Variants in FLRT2 observed in about 807,000 individuals in gnomAD.
The protein encoded by FLRT2 is fibronectin leucine rich transmembrane protein 2.
FLRT2 carries 15 observed loss-of-function variants against 40.0 expected under a neutral mutation model. The ratio of observed to expected loss-of-function variants is 0.38; its 90% CI spans 0.25 to 0.58. The LOEUF (loss-of-function observed/expected upper bound fraction) is 0.58. FLRT2 is among the 20% of genes least tolerant of loss of function. The pLI, the probability that FLRT2 is intolerant of heterozygous loss-of-function variation, is 0.71. For synonymous variants in FLRT2, 380 were observed against 336.8 expected, an observed-to-expected ratio of 1.13 and a Z score of -1.41; for missense variants, 726 against 840.0, an observed-to-expected ratio of 0.86 and a Z score of 1.68.
intron 1 of FLRT2, among the ~76,000 whole-genome samples, chr14:85,535,357 A>C (rs542117271): frequency 0.27 from 23,817 of 88,490 alleles, 2,168 homozygotes; most frequent in Middle Eastern, 0.38. Flanking sequence ...CCCCCCCCAA[A>C]AAAAAAAAAC....
intron 1 of FLRT2, among the ~76,000 whole-genome samples, chr14:85,565,977 A>AT (rs75871469): frequency 0.023 from 3,427 of 152,178 alleles, 101 homozygotes; most frequent in East Asian, 0.099. Context: ...AAATACACCG[A>AT]TTTTTTTGTC....
At chr14:85,570,828 G>A (rs781145196) in intron 1 of FLRT2, among the ~76,000 whole-genome samples, 8 of 151,360 alleles carry the variant, frequency 5.3e-5, no homozygotes, top group Admixed American at 1.3e-4. Flanking sequence ...CTCATGATCC[G>A]CCCGCCTCGG....
intron 1 of FLRT2, among the ~76,000 whole-genome samples, chr14:85,545,799 T>C (rs943351211): frequency 1.3e-5 from 2 of 152,228 alleles, no homozygotes; most frequent in Non-Finnish European, 2.9e-5. Context: ...TCTCCATTTT[T>C]TCCCCTTACC....
chr14:85,617,097 T>G (rs578220133), intron 1 of FLRT2, among the ~76,000 whole-genome samples: 73 of 152,208 alleles, frequency 4.8e-4, no homozygotes, highest in African/African-American at 1.8e-3. Context: ...TGGCAACATC[T>G]GGAGACATTT....
In FLRT2 at chr14:85,557,075, C is replaced by A. The variant is rs545871026; in HGVS notation, c.-377+26541C>A. On this transcript the variant is annotated intron_variant, in intron 1 of 1. Transcript: ENST00000330753. The stretch of plus-strand genomic sequence containing the variant: ...TATGGGGGAAACTGCCCCCATGATT[C>A]AAATTATCTTCCACTGGGTCCCTCC... 3.3e-5 allele frequency among the ~76,000 whole-genome samples: 5 copies of A among 152,228 alleles called. No homozygotes were observed. In the East Asian group the frequency reaches 9.7e-4, roughly 29 times the overall value.
intron 1 of FLRT2, among the ~76,000 whole-genome samples, chr14:85,538,620 A>G (rs1320905689): frequency 6.6e-6 from 1 of 152,110 alleles, no homozygotes; most frequent in African/African-American, 2.4e-5. Context: ...GAACCCCTTA[A>G]GAACCTGAGG....
chr14:85,649,985 A>T lies in FLRT2; in HGVS notation c.*26488A>T, dbSNP rs998893795. 6.6e-6 allele frequency: 1 copy of T among 152,012 alleles called. No individual in the cohort carries two copies. The highest frequency in any genetic ancestry group is 1.5e-5 in the Non-Finnish European group (1 of 67,940). 9.4% of individuals were successfully genotyped at this position (152,012 alleles called of 1,614,324 possible). On this transcript the variant is annotated 3_prime_UTR_variant, in exon 2 of 2. Coordinates refer to ENST00000330753, the MANE Select transcript of FLRT2 (RefSeq NM_013231.6). ...AAGTAAAGAAAGTAATACAAGGAAC[A>T]CTCATGTACACATCAACCAGCTTTG...
At chr14:85,602,209 A>G (rs528298877) in intron 1 of FLRT2, among the ~76,000 whole-genome samples, 6 of 152,348 alleles carry the variant, frequency 3.9e-5, no homozygotes, top group Admixed American at 3.9e-4. Context: ...ATATGCATGT[A>G]TATTACACAA....
intron 1 of FLRT2, among the ~76,000 whole-genome samples, chr14:85,537,075 G>C (rs1313858934): frequency 6.6e-6 from 1 of 152,156 alleles, no homozygotes; most frequent in Non-Finnish European, 1.5e-5. Flanking sequence ...TTTAAATTCT[G>C]CTGTGCTTCT....
At chr14:85,567,977 A>T (rs1402980607) in intron 1 of FLRT2, among the ~76,000 whole-genome samples, 2 of 151,958 alleles carry the variant, frequency 1.3e-5, no homozygotes, top group African/African-American at 4.8e-5. Context: ...GGGAATGTTA[A>T]CTTCCCCTAG....
Position 85,629,391 on chromosome 14 carries a change from A to G in FLRT2, c.*5894A>G, listed in dbSNP as rs1893809557. 1 of 152,224 alleles carries G rather than the reference A, an allele frequency of 6.6e-6. No homozygotes were observed. The highest frequency in any genetic ancestry group is 6.5e-5 in the Admixed American group (1 of 15,286). The allele number at this position is 152,224 out of a possible 1,614,324, so 9.4% of individuals were successfully genotyped here. ...CTTAGAAATTGTATTTCGTAATTAC[A>G]CATGCAGACATTTAAATTTTTATTA... On this transcript the variant is annotated 3_prime_UTR_variant, in exon 2 of 2. Transcript: ENST00000330753.
chr14:85,596,762 CA>C (rs550527332), intron 1 of FLRT2, among the ~76,000 whole-genome samples: 193 of 152,280 alleles, frequency 1.3e-3, no homozygotes, highest in African/African-American at 4.5e-3. Flanking sequence ...CAGATGAGAA[CA>C]TGCTAGTTGC....
At chr14:85,569,400 G>A (rs12146984) in intron 1 of FLRT2, among the ~76,000 whole-genome samples, 1,580 of 152,284 alleles carry the variant, frequency 0.01, 8 homozygotes, top group South Asian at 0.014. Context: ...CAGCAGGGAG[G>A]GCAGAGTCTA....
chr14:85,638,820 T>G lies in FLRT2; in HGVS notation c.*15323T>G, dbSNP rs1057363253. On this transcript the variant is annotated 3_prime_UTR_variant, in exon 2 of 2. Transcript: ENST00000330753. ...TTTGCTGCATGTCCGCAAACCTATT[T>G]TGATCAACCAGTACTGAACTTTTCC... 1.3e-5 allele frequency: 2 copies of G among 152,234 alleles called. No individual in the cohort carries two copies. The highest frequency in any genetic ancestry group is 6.5e-5 in the Admixed American group (1 of 15,276). The allele number at this position is 152,234 out of a possible 1,614,324, so 9.4% of individuals were successfully genotyped here. A position where few individuals can be genotyped will look rare whatever the true frequency, so the allele number is the denominator to read the frequency against.
chr14:85,553,791 T>G (rs1889789188), intron 1 of FLRT2, among the ~76,000 whole-genome samples: 1 of 152,212 alleles, frequency 6.6e-6, no homozygotes, highest in Non-Finnish European at 1.5e-5. Context: ...GTTTTCATTC[T>G]GCATTGTCAC....
intron 1 of FLRT2, among the ~76,000 whole-genome samples, chr14:85,601,126 A>C (rs1892362359): frequency 6.6e-6 from 1 of 152,196 alleles, no homozygotes; most frequent in South Asian, 2.1e-4. Flanking sequence ...ACTAAGGTAC[A>C]GGAAGCAGTG....
chr14:85,573,612 G>A (rs1207995326), intron 1 of FLRT2, among the ~76,000 whole-genome samples: 1 of 152,148 alleles, frequency 6.6e-6, no homozygotes, highest in Admixed American at 6.5e-5. Flanking sequence ...AGCTGTTCAA[G>A]ACACAGGATG....
chr14:85,562,066 A>G (rs146940613), intron 1 of FLRT2, among the ~76,000 whole-genome samples: 18 of 152,286 alleles, frequency 1.2e-4, no homozygotes, highest in African/African-American at 4.3e-4. Context: ...CTTTCCCGCT[A>G]CAGGGAATAT....
At chr14:85,596,517 GTTGT>G (rs1892146392) in intron 1 of FLRT2, among the ~76,000 whole-genome samples, 1 of 152,000 alleles carries the variant, frequency 6.6e-6, no homozygotes. Flanking sequence ...TGTTGTTGTT[GTTGT>G]TTAAATGTGG....
Sources: gnomAD v4.1 joint callset for allele counts (sites outside exome capture counted in the v4.1 genomes callset) on GRCh38, gnomAD v4.1.1 for gene constraint, MANE v1.5 for transcripts, NCBI Gene and HGNC (gene_info 2026-07-23, HGNC 2026-07-21) for gene names.